Variants in PLA2G2C observed in about 807,000 individuals in gnomAD.
PLA2G2C encodes putative inactive group IIC secretory phospholipase A2.
PLA2G2C carries 15 observed loss-of-function variants against 14.3 expected under a neutral mutation model. The observed-to-expected ratio is 1.05, with a 90% CI of 0.70 to 1.62. The LOEUF (loss-of-function observed/expected upper bound fraction) is 1.62. Among genes scored for constraint, PLA2G2C ranks in the 40% most tolerant of loss-of-function variants. The pLI, the probability that PLA2G2C is intolerant of heterozygous loss-of-function variation, is 0.00. For missense variants in PLA2G2C, 162 were observed against 173.2 expected (o/e 0.94, Z 0.36); for synonymous variants, 79 against 67.7 (o/e 1.17, Z -0.82).
Position 20,164,646 on chromosome 1 carries a change from G to GCC in PLA2G2C, c.284-490_284-489insGG, listed in dbSNP as rs200241277. On this transcript the variant is annotated intron_variant, in intron 4 of 4. Transcript: ENST00000679259. ...GCTCATCTCCTATTTCCAGCTGCCT[G>GCC]CTTGACATCTCACTTGGATGTCTCA... is the stretch of plus-strand genomic sequence containing the variant. 8.9e-3 allele frequency among the ~76,000 whole-genome samples: 1,357 copies of GCC among 152,316 alleles called. 8 individuals are homozygous for GCC. The highest frequency in any genetic ancestry group is 0.014 in the Non-Finnish European group (970 of 68,024).
At position 20,163,997 on chromosome 1, in the gene PLA2G2C, C is replaced by G. The variant is rs1366721482; in HGVS notation, c.444G>C (p.Trp148Cys). Residue 148 changes from tryptophan to cysteine, a missense_variant, in exon 5 of 5, where the codon TGG becomes TGC. Trp to Cys is a radical substitution (Grantham distance 215). Transcript: ENST00000679259. Reference protein sequence around the residue: ...SQPRCGRHKPWC With the variant: ...SQPRCGRHKPCC ...GAGGGACCCTGTGGTGTCCCTAGCA[C>G]CAGGGCTTATGTCTGCCACACCTGG... 6.2e-7 allele frequency: 1 copy of G among 1,612,608 alleles called. No homozygotes were observed. The highest frequency in any genetic ancestry group is 1.1e-5 in the South Asian group (1 of 90,642).
At chr1:20,184,014 C>G (rs2018319488) in intron 1 of PLA2G2C, among the ~76,000 whole-genome samples, 1 of 152,236 alleles carries the variant, frequency 6.6e-6, no homozygotes, top group South Asian at 2.1e-4. Flanking sequence ...ACAAAGGCAG[C>G]AGAGGCACAG....
intron 2 of PLA2G2C, among the ~76,000 whole-genome samples, chr1:20,176,696 G>A (rs2018190338): frequency 6.6e-6 from 1 of 152,188 alleles, no homozygotes. Context: ...GTCTGTTTTT[G>A]ACATCTTTGA....
At chr1:20,177,057 G>C (rs985262055) in intron 2 of PLA2G2C, among the ~76,000 whole-genome samples, 1 of 152,164 alleles carries the variant, frequency 6.6e-6, no homozygotes, top group African/African-American at 2.4e-5. Flanking sequence ...GGTGAGGGGG[G>C]TAAAATAGTA....
intron 1 of PLA2G2C, among the ~76,000 whole-genome samples, chr1:20,179,371 A>C (rs751042881): frequency 1.3e-5 from 2 of 149,644 alleles, no homozygotes; most frequent in Non-Finnish European, 3.0e-5. Flanking sequence ...TGTGTGTGTC[A>C]GCTTCTACCT....
At chr1:20,173,034 T>G in intron 3 of PLA2G2C, 137 bp from the exon 4 acceptor site, 1 of 617,804 alleles carries the variant, frequency 1.6e-6, no homozygotes, top group Non-Finnish European at 2.8e-6. Context: ...ATAGGCCAGG[T>G]GTGGTGGCTC....
At position 20,172,874 on chromosome 1, in the gene PLA2G2C, G is replaced by GGA. The variant is rs1557787100; in HGVS notation, c.201_202dup (p.Pro68LeufsTer6). 2.5e-6 allele frequency: 4 copies of GGA among 1,613,832 alleles called. No individual in the cohort carries two copies. In the South Asian group the frequency reaches 3.3e-5, roughly 13 times the overall value. On this transcript the variant is annotated frameshift_variant, in exon 4 of 5. Coordinates refer to ENST00000679259, the MANE Select transcript of PLA2G2C (RefSeq NM_001367969.2). LOFTEE classifies it high-confidence loss of function. The stretch of plus-strand genomic sequence containing the variant: ...GCTGAACTCCTTCAGCTTCTCGTAG[G>GGA]GAGAGGGAGATGAGGGGCTGTGCCT...
intron 1 of PLA2G2C, among the ~76,000 whole-genome samples, chr1:20,185,738 A>T (rs2018362135): frequency 6.6e-6 from 1 of 152,176 alleles, no homozygotes; most frequent in Admixed American, 6.5e-5. Flanking sequence ...AACCAGGGAC[A>T]CTGAGAGGGT....
At chr1:20,166,464 C>G (rs975884803) in intron 4 of PLA2G2C, among the ~76,000 whole-genome samples, 2 of 152,188 alleles carry the variant, frequency 1.3e-5, no homozygotes, top group African/African-American at 2.4e-5. Context: ...GCATCAAGCC[C>G]AGCTCCCCAG....
At chr1:20,185,002 A>C (rs2018342634) in intron 1 of PLA2G2C, among the ~76,000 whole-genome samples, 1 of 151,990 alleles carries the variant, frequency 6.6e-6, no homozygotes, top group African/African-American at 2.4e-5. Context: ...AAAATAATAA[A>C]AATTAGCCAA....
intron 1 of PLA2G2C, chr1:20,184,653 T>A (rs1291996616): frequency 6.6e-6 from 1 of 152,146 alleles, no homozygotes; most frequent in African/African-American, 2.4e-5. Context: ...ACATTAGAAC[T>A]GGAGGGAGGG....
chr1:20,172,592 C>T (rs1047448349), intron 4 of PLA2G2C, among the ~76,000 whole-genome samples: 3 of 152,090 alleles, frequency 2.0e-5, no homozygotes, highest in East Asian at 1.9e-4. Context: ...TCAGGAGGTA[C>T]ACTCATGGGT....
At position 20,163,833 on chromosome 1, in the gene PLA2G2C, C is replaced by CT; in HGVS notation, c.*157dup. 1.2e-6 allele frequency: 1 copy of CT among 800,612 alleles called. No homozygotes were observed. The highest frequency in any genetic ancestry group is 1.9e-6 in the Non-Finnish European group (1 of 525,476). 49.6% of individuals were successfully genotyped at this position (800,612 alleles called of 1,614,324 possible). A position where few individuals can be genotyped will look rare whatever the true frequency, so the allele number is the denominator to read the frequency against. Reference sequence around the variant, plus strand: ...CTGATGCTGAACGACAGGGAGTCCCCTTGGTCAGAATGCTGAAGGGTGAGC... The same window carrying CT: ...CTGATGCTGAACGACAGGGAGTCCCCTTTGGTCAGAATGCTGAAGGGTGAGC... On this transcript the variant is annotated 3_prime_UTR_variant, in exon 5 of 5. Coordinates refer to ENST00000679259, the MANE Select transcript of PLA2G2C (RefSeq NM_001367969.2).
intron 4 of PLA2G2C, among the ~76,000 whole-genome samples, chr1:20,165,890 G>C (rs1421306033): frequency 6.6e-6 from 1 of 152,194 alleles, no homozygotes. Flanking sequence ...CTCCACCCTA[G>C]TCCGCTCTCA....
chr1:20,175,619 T>C (rs1003953552), intron 2 of PLA2G2C, among the ~76,000 whole-genome samples: 1 of 152,146 alleles, frequency 6.6e-6, no homozygotes, highest in South Asian at 2.1e-4. Flanking sequence ...CAAGTACACA[T>C]GAACTCAGCT....
intron 1 of PLA2G2C, among the ~76,000 whole-genome samples, chr1:20,179,435 G>C (rs1009716348): frequency 2.2e-4 from 33 of 150,212 alleles, no homozygotes; most frequent in Middle Eastern, 3.7e-3. Flanking sequence ...CAGCTTCTCT[G>C]TGTGTGTGTC....
intron 4 of PLA2G2C, among the ~76,000 whole-genome samples, chr1:20,169,145 A>G (rs1414858124): frequency 1.3e-5 from 2 of 152,164 alleles, no homozygotes; most frequent in Non-Finnish European, 2.9e-5. Context: ...CTTTGAATGG[A>G]GGTGCAATTA....
intron 4 of PLA2G2C, among the ~76,000 whole-genome samples, chr1:20,166,596 C>T (rs1047406200): frequency 5.9e-5 from 9 of 152,218 alleles, no homozygotes; most frequent in African/African-American, 2.2e-4. Context: ...TCTCACCTTC[C>T]TCAGCCACCT....
At chr1:20,180,389 TC>T (rs901747744) in intron 1 of PLA2G2C, among the ~76,000 whole-genome samples, 2 of 152,084 alleles carry the variant, frequency 1.3e-5, no homozygotes, top group African/African-American at 4.8e-5. Flanking sequence ...GGCCTTAAAT[TC>T]CCCTTAAGTT....
Sources: gnomAD v4.1 joint callset for allele counts (sites outside exome capture counted in the v4.1 genomes callset) on GRCh38, gnomAD v4.1.1 for gene constraint, MANE v1.5 for transcripts, NCBI Gene and HGNC (gene_info 2026-07-23, HGNC 2026-07-21) for gene names.